Variants in TMEM178B observed in about 807,000 individuals in gnomAD.
TMEM178B encodes the protein transmembrane protein 178B.
Under a neutral mutation model 31.0 loss-of-function variants are expected in TMEM178B, and 5 were observed. That is an observed-to-expected ratio of 0.16 (90% confidence interval 0.08 to 0.34). TMEM178B has a LOEUF of 0.34. Ranked by LOEUF, TMEM178B falls within the 10% of genes least tolerant of loss-of-function variation. The pLI, the probability that TMEM178B is intolerant of heterozygous loss-of-function variation, is 1.00. For synonymous variants in TMEM178B, 164 were observed against 164.0 expected, an observed-to-expected ratio of 1.00 and a Z score of 0.00; for missense variants, 275 against 400.3, an observed-to-expected ratio of 0.69 and a Z score of 2.67.
intron 2 of TMEM178B, among the ~76,000 whole-genome samples, chr7:141,269,147 GTGGCA>G (rs1167959998): frequency 1.3e-5 from 2 of 149,108 alleles, no homozygotes; most frequent in African/African-American, 5.0e-5. Flanking sequence ...CTGGAGTGCA[GTGGCA>G]TGATCTTGGC....
At chr7:141,420,811 T>C (rs1586948639) in intron 2 of TMEM178B, among the ~76,000 whole-genome samples, 1 of 152,198 alleles carries the variant, frequency 6.6e-6, no homozygotes, top group East Asian at 1.9e-4. Context: ...GTTTAAATAA[T>C]GTTCTCTTAG....
chr7:141,285,307 C>T (rs1356732720), intron 2 of TMEM178B, among the ~76,000 whole-genome samples: 5 of 151,344 alleles, frequency 3.3e-5, no homozygotes, highest in African/African-American at 1.2e-4. Context: ...CCCGCCACCA[C>T]ATCCTGCTAA....
chr7:141,210,618 T>C (rs1797038592), intron 1 of TMEM178B, among the ~76,000 whole-genome samples: 1 of 152,154 alleles, frequency 6.6e-6, no homozygotes, highest in African/African-American at 2.4e-5. Context: ...GTTCCAGGTG[T>C]GCTGGAAACC....
rs981618574 is a variant in TMEM178B at position 141,127,251 on chromosome 7, A to G, written c.382+52559A>G. ...GACCTTTTGAGTTTTTAAAAAGAAT[A>G]TTTGGTAAACTTTGACTCACCTGGG... On this transcript the variant is annotated intron_variant, in intron 1 of 3. Transcript: ENST00000565468. 2.0e-5 allele frequency among the ~76,000 whole-genome samples: 3 copies of G among 152,332 alleles called. No homozygotes were observed. The East Asian group carries it at 5.8e-4, about 29-fold the overall frequency.
In TMEM178B at chr7:141,329,647, A is replaced by G. The variant is rs1799261261; in HGVS notation, c.497-107961A>G. Among the ~76,000 whole-genome samples the G allele has an allele frequency of 3.9e-5, 6 of 152,352 alleles. No individual in the cohort carries two copies. In the South Asian group the frequency reaches 1.2e-3, roughly 32 times the overall value. On this transcript the variant is annotated intron_variant, in intron 2 of 3. Transcript: ENST00000565468. The stretch of plus-strand genomic sequence containing the variant: ...TAGCACATTGACCATCCTACAGAAC[A>G]TTTTATAATAGCCACTGCAGATGTG...
chr7:141,409,156 C>T (rs190864330), intron 2 of TMEM178B, among the ~76,000 whole-genome samples: 5 of 152,154 alleles, frequency 3.3e-5, no homozygotes, highest in African/African-American at 1.2e-4. Flanking sequence ...TGCAGAGACT[C>T]GATGCACGTA....
At chr7:141,251,098 G>A (rs1357660038) in intron 2 of TMEM178B, among the ~76,000 whole-genome samples, 1 of 152,020 alleles carries the variant, frequency 6.6e-6, no homozygotes, top group Non-Finnish European at 1.5e-5. Context: ...TGTGGGCCAT[G>A]TGGCTCTGCT....
intron 3 of TMEM178B, among the ~76,000 whole-genome samples, chr7:141,454,056 T>C (rs1801916041): frequency 6.6e-6 from 1 of 152,120 alleles, no homozygotes; most frequent in African/African-American, 2.4e-5. Context: ...TAGCAAAACC[T>C]AAGAATCTCT....
the TMEM178B span, among the ~76,000 whole-genome samples, chr7:141,488,761 A>G: frequency 7.9e-5 from 12 of 152,148 alleles, no homozygotes; most frequent in Admixed American, 2.6e-4. Context: ...GGAACAACCC[A>G]GTTCCTCTGA....
At chr7:141,194,060 A>G (rs1796741207) in intron 1 of TMEM178B, among the ~76,000 whole-genome samples, 1 of 152,036 alleles carries the variant, frequency 6.6e-6, no homozygotes, top group Non-Finnish European at 1.5e-5. Context: ...TGATTCAATT[A>G]CCTCCCCCTG....
At chr7:141,343,371 G>T (rs1456757313) in intron 2 of TMEM178B, among the ~76,000 whole-genome samples, 1 of 152,122 alleles carries the variant, frequency 6.6e-6, no homozygotes, top group Non-Finnish European at 1.5e-5. Context: ...AGAGAGGCCT[G>T]TGGGGTGGCA....
chr7:141,284,121 A>G (rs1029570438), intron 2 of TMEM178B, among the ~76,000 whole-genome samples: 7 of 152,182 alleles, frequency 4.6e-5, no homozygotes, highest in African/African-American at 1.7e-4. Flanking sequence ...CAAATGAACA[A>G]CACAGGCTTA....
intron 1 of TMEM178B, among the ~76,000 whole-genome samples, chr7:141,131,575 CT>C (rs1795595876): frequency 6.6e-6 from 1 of 152,228 alleles, no homozygotes; most frequent in Admixed American, 6.5e-5. Flanking sequence ...ACACTACATG[CT>C]CTTTGTCTAC....
rs1800898068 is a variant in TMEM178B, at chr7:141,407,100, T to G, written c.497-30508T>G. ...CTATTGCTTCCTATATTGCCTATTG[T>G]GTTTTCATGCTACAGTGGCAGAGTT... On this transcript the variant is annotated intron_variant, in intron 2 of 3. Transcript: ENST00000565468. Among the ~76,000 whole-genome samples the G allele has an allele frequency of 2.0e-5, 3 of 152,380 alleles. No individual in the cohort carries two copies. The South Asian group carries it at 6.2e-4, about 32-fold the overall frequency.
intron 2 of TMEM178B, among the ~76,000 whole-genome samples, chr7:141,410,260 A>C (rs1370745702): frequency 6.6e-6 from 1 of 152,182 alleles, no homozygotes; most frequent in Non-Finnish European, 1.5e-5. Flanking sequence ...CTGCCAGCCT[A>C]GAGGAGCACT....
At chr7:141,091,312 A>C (rs1177747334) in intron 1 of TMEM178B, among the ~76,000 whole-genome samples, 1 of 152,218 alleles carries the variant, frequency 6.6e-6, no homozygotes, top group East Asian at 1.9e-4. Flanking sequence ...CAGGTTTCAT[A>C]AAATGGTGGG....
At chr7:141,295,595 T>G (rs1316654457) in intron 2 of TMEM178B, among the ~76,000 whole-genome samples, 1 of 152,226 alleles carries the variant, frequency 6.6e-6, no homozygotes, top group Non-Finnish European at 1.5e-5. Flanking sequence ...AAGCAGCAGC[T>G]ACCTGTTGAG....
chr7:141,395,491 GT>G (rs1267192460), intron 2 of TMEM178B, among the ~76,000 whole-genome samples: 3 of 152,142 alleles, frequency 2.0e-5, no homozygotes, highest in Admixed American at 2.0e-4. Flanking sequence ...GCATTGCTCA[GT>G]TTCCAGAGTT....
chr7:141,292,233 A>G (rs534012393), intron 2 of TMEM178B, among the ~76,000 whole-genome samples: 28 of 152,332 alleles, frequency 1.8e-4, no homozygotes, highest in African/African-American at 6.7e-4. Context: ...ATATTTATGC[A>G]TATGGAGCAC....
Sources: gnomAD v4.1 joint callset for allele counts (sites outside exome capture counted in the v4.1 genomes callset) on GRCh38, gnomAD v4.1.1 for gene constraint, MANE v1.5 for transcripts, NCBI Gene and HGNC (gene_info 2026-07-23, HGNC 2026-07-21) for gene names.